The following PRKCE variants were observed in gnomAD, a reference collection of about 807,000 sequenced individuals.
The protein encoded by PRKCE is protein kinase C epsilon type.
In PRKCE, 16 loss-of-function variants were observed where a neutral mutation model predicts 85.4. That is an observed-to-expected ratio of 0.19 (90% CI 0.13 to 0.28). The LOEUF (loss-of-function observed/expected upper bound fraction) is 0.28. PRKCE is among the 10% of genes least tolerant of loss of function. The pLI is 1.00. For synonymous variants in PRKCE, 388 were observed against 371.5 expected (o/e 1.04, Z -0.51); for missense variants, 573 against 975.2 (o/e 0.59, Z 5.49).
intron 1 of PRKCE, among the ~76,000 whole-genome samples, chr2:45,734,566 G>A (rs1681883093): frequency 1.3e-5 from 2 of 152,218 alleles, no homozygotes; most frequent in African/African-American, 4.8e-5. Context: ...CTGGGAATCT[G>A]ACAAACACAA....
chr2:45,782,952 T>A (rs1030119877), intron 1 of PRKCE, among the ~76,000 whole-genome samples: 1 of 152,166 alleles, frequency 6.6e-6, no homozygotes, highest in African/African-American at 2.4e-5. Context: ...CCTACTCAGG[T>A]ACTTCCTCTA....
At chr2:45,823,751 G>A (rs1689721021) in intron 1 of PRKCE, among the ~76,000 whole-genome samples, 1 of 152,224 alleles carries the variant, frequency 6.6e-6, no homozygotes, top group Admixed American at 6.5e-5. Flanking sequence ...GATTTCCCAG[G>A]TTGTTCCCTG....
chr2:45,718,785 C>T (rs1680370168), intron 1 of PRKCE, among the ~76,000 whole-genome samples: 1 of 152,134 alleles, frequency 6.6e-6, no homozygotes, highest in South Asian at 2.1e-4. Flanking sequence ...TATGCTGGAA[C>T]CAGAGTCACA....
At chr2:45,746,846 G>A (rs942434561) in intron 1 of PRKCE, among the ~76,000 whole-genome samples, 17 of 152,162 alleles carry the variant, frequency 1.1e-4, no homozygotes, top group Middle Eastern at 3.4e-3. Context: ...CTTCCTTATC[G>A]TCTCAGGAAC....
chr2:45,851,609 G>A (rs189026479), intron 2 of PRKCE: 2 of 152,214 alleles, frequency 1.3e-5, no homozygotes, highest in Admixed American at 6.5e-5. Flanking sequence ...GTATGTGCAT[G>A]AGCTATTAAT....
At chr2:45,778,483 G>A (rs1392912630) in intron 1 of PRKCE, among the ~76,000 whole-genome samples, 1 of 152,082 alleles carries the variant, frequency 6.6e-6, no homozygotes, top group Non-Finnish European at 1.5e-5. Context: ...CTTCTGGCAG[G>A]TTCTCGCCTT....
rs976815629 is a variant in PRKCE, at chr2:45,786,463, C to T, written c.349-56537C>T. Among the ~76,000 whole-genome samples, 1 of 152,236 alleles carries T rather than the reference C, an allele frequency of 6.6e-6. No individual in the cohort carries two copies. Among genetic ancestry groups the T allele is most frequent in the Non-Finnish European group, 1.5e-5 (1 of 68,042 alleles). On this transcript the variant is annotated intron_variant, in intron 1 of 14. Coordinates refer to ENST00000306156, the MANE Select transcript of PRKCE (RefSeq NM_005400.3). This position sits in a 1 kb window ranked among gnomAD's most constrained non-coding sequence, Gnocchi z 5.3. The stretch of plus-strand genomic sequence containing the variant: ...CACCCACTCCCTCTCTTTCTGGCTG[C>T]TCCTAGTATCTGCTTTCAGCCATTT...
intron 2 of PRKCE, among the ~76,000 whole-genome samples, chr2:45,949,529 A>C (rs763591648): frequency 7.0e-6 from 1 of 142,762 alleles, no homozygotes; most frequent in Non-Finnish European, 1.5e-5. Flanking sequence ...TTTTCTTGTC[A>C]TTATTTATGG....
intron 1 of PRKCE, among the ~76,000 whole-genome samples, chr2:45,812,505 A>G (rs1688725082): frequency 6.6e-6 from 1 of 152,218 alleles, no homozygotes; most frequent in African/African-American, 2.4e-5. Flanking sequence ...CTGGCTTCCC[A>G]TCTTACATTC....
intron 1 of PRKCE, among the ~76,000 whole-genome samples, chr2:45,764,586 A>T (rs1351217757): frequency 2.0e-5 from 3 of 152,224 alleles, no homozygotes; most frequent in Non-Finnish European, 4.4e-5. Context: ...TTCAGATCTG[A>T]GGCTAAATGA....
chr2:45,954,671 C>T (rs994119377), intron 2 of PRKCE, among the ~76,000 whole-genome samples: 1 of 152,192 alleles, frequency 6.6e-6, no homozygotes, highest in Non-Finnish European at 1.5e-5. Flanking sequence ...GGGAGAACCT[C>T]ATTTCAATGT....
chr2:45,692,043 C>G (rs1162702361), intron 1 of PRKCE, among the ~76,000 whole-genome samples: 3 of 152,042 alleles, frequency 2.0e-5, no homozygotes, highest in Non-Finnish European at 4.4e-5. Context: ...TTTAAAAAAC[C>G]TTCACTCATG....
At chr2:45,717,118 A>G (rs1054130457) in intron 1 of PRKCE, among the ~76,000 whole-genome samples, 1 of 152,202 alleles carries the variant, frequency 6.6e-6, no homozygotes, top group Non-Finnish European at 1.5e-5. Flanking sequence ...GAACCTGTCC[A>G]AGGTCCCTAA....
chr2:46,049,072 G>A (rs1708699587), intron 10 of PRKCE, among the ~76,000 whole-genome samples: 1 of 152,094 alleles, frequency 6.6e-6, no homozygotes, highest in Admixed American at 6.5e-5. Flanking sequence ...TTGGAGTCCC[G>A]TGATGTCTCT....
At chr2:46,023,297 C>A (rs765437636) in intron 10 of PRKCE, among the ~76,000 whole-genome samples, 4 of 152,064 alleles carry the variant, frequency 2.6e-5, no homozygotes, top group African/African-American at 4.8e-5. Flanking sequence ...ATATGTATTA[C>A]CTGTCCCCTA....
At chr2:46,114,707 C>T (rs537748794) in intron 11 of PRKCE, among the ~76,000 whole-genome samples, 23 of 55,486 alleles carry the variant, frequency 4.1e-4, no homozygotes, top group African/African-American at 7.4e-4. Context: ...GCATGAGCCA[C>T]CGTGCCCAGC....
chr2:46,128,107 A>C (rs1674046321), intron 11 of PRKCE, among the ~76,000 whole-genome samples: 1 of 152,246 alleles, frequency 6.6e-6, no homozygotes, highest in South Asian at 2.1e-4. Context: ...CAATTCCTGG[A>C]CAAATTATTC....
intron 10 of PRKCE, among the ~76,000 whole-genome samples, chr2:46,025,000 T>C (rs1459545918): frequency 6.6e-6 from 1 of 152,196 alleles, no homozygotes; most frequent in African/African-American, 2.4e-5. Context: ...TCTTTTGATG[T>C]ACATAACTCA....
chr2:45,695,915 A>G (rs1678106420), intron 1 of PRKCE, among the ~76,000 whole-genome samples: 1 of 152,256 alleles, frequency 6.6e-6, no homozygotes, highest in Non-Finnish European at 1.5e-5. Context: ...AGTGGTTAGA[A>G]TAATTACTTA....
Sources: gnomAD v4.1 joint callset for allele counts (sites outside exome capture counted in the v4.1 genomes callset) on GRCh38, gnomAD v4.1.1 for gene constraint, Gnocchi (gnomAD v3.1) non-coding constraint, MANE v1.5 for transcripts, NCBI Gene and HGNC (gene_info 2026-07-23, HGNC 2026-07-21) for gene names.